GABRB1: variants seen among roughly 807,000 people sequenced by gnomAD.
GABRB1 encodes gamma-aminobutyric acid type A receptor subunit beta1.
In GABRB1, 17 loss-of-function variants were observed where a neutral mutation model predicts 51.6. The observed-to-expected ratio is 0.33, with a 90% CI of 0.23 to 0.49. GABRB1 has a LOEUF of 0.49. Among genes scored for constraint, GABRB1 ranks in the 20% least tolerant of loss-of-function variants. The probability of loss-of-function intolerance (pLI) is 0.99; values close to 1 mark genes in which losing one functional copy is unlikely to be tolerated. For missense variants in GABRB1, 410 were observed against 600.6 expected (o/e 0.68, Z 3.32); for synonymous variants, 247 against 218.9 (o/e 1.13, Z -1.14).
intron 5 of GABRB1, among the ~76,000 whole-genome samples, chr4:47,360,589 T>C (rs1315532361): frequency 6.6e-6 from 1 of 152,136 alleles, no homozygotes; most frequent in Non-Finnish European, 1.5e-5. Flanking sequence ...TGGATTTGAT[T>C]ATACAGTTCT....
intron 4 of GABRB1, among the ~76,000 whole-genome samples, chr4:47,269,752 A>T (rs997181296): frequency 6.6e-6 from 1 of 152,042 alleles, no homozygotes; most frequent in Non-Finnish European, 1.5e-5. Context: ...ACATGTATTA[A>T]CTCTTTAATT....
chr4:47,221,897 A>G (rs1038102820), intron 4 of GABRB1, among the ~76,000 whole-genome samples: 2 of 152,098 alleles, frequency 1.3e-5, no homozygotes, highest in African/African-American at 4.8e-5. Context: ...CAACAGCACT[A>G]TAACTCATGC....
At chr4:47,353,720 G>A (rs1226190362) in intron 5 of GABRB1, among the ~76,000 whole-genome samples, 2 of 152,072 alleles carry the variant, frequency 1.3e-5, no homozygotes, top group Non-Finnish European at 2.9e-5. Context: ...ATTTTCCAAA[G>A]CCTATTATAA....
chr4:47,001,306 C>G lies in GABRB1; in HGVS notation c.-20+7380C>G, dbSNP rs548460053. ...TACAGGCGCCCCCCACCACGCCCAG[C>G]TAATTTTTTGTATTTTTAGTAGAGA... is the stretch of plus-strand genomic sequence containing the variant. On this transcript the variant is annotated intron_variant, in intron 1 of 3. Transcript: ENST00000513567. Among the ~76,000 whole-genome samples the G allele has an allele frequency of 7.0e-4, 106 of 151,994 alleles. 1 individual carries two copies. Among genetic ancestry groups the G allele is most frequent in the Admixed American group, 2.0e-4 (3 of 15,284 alleles).
intron 8 of GABRB1, among the ~76,000 whole-genome samples, chr4:47,411,832 A>G (rs1333518699): frequency 2.0e-5 from 3 of 152,218 alleles, no homozygotes; most frequent in African/African-American, 7.2e-5. Context: ...GATATAGTGT[A>G]TAAAGAAATG....
chr4:47,198,167 G>C (rs16860047), intron 4 of GABRB1, among the ~76,000 whole-genome samples: 1,619 of 152,300 alleles, frequency 0.011, 24 homozygotes, highest in African/African-American at 0.037. Flanking sequence ...CTAAGGCATA[G>C]TGGCAGGATG....
intron 5 of GABRB1, among the ~76,000 whole-genome samples, chr4:47,377,669 T>C (rs887652440): frequency 3.3e-5 from 5 of 152,162 alleles, no homozygotes; most frequent in Admixed American, 3.3e-4. Flanking sequence ...TAGAGCCTAG[T>C]GGTCTGTTTT....
chr4:47,257,135 C>T (rs1722243698), intron 4 of GABRB1, among the ~76,000 whole-genome samples: 1 of 152,040 alleles, frequency 6.6e-6, no homozygotes, highest in Non-Finnish European at 1.5e-5. Context: ...AGAGTGAGGC[C>T]ATGTTTTATT....
At chr4:47,028,425 A>C (rs1357030203), upstream of GABRB1, among the ~76,000 whole-genome samples, 1 of 151,808 alleles carries the variant, frequency 6.6e-6, no homozygotes, top group Non-Finnish European at 1.5e-5. Flanking sequence ...CTTTGGTGAA[A>C]TGCTTGTTAC....
chr4:47,036,141 A>T (rs1216205592), intron 3 of GABRB1, among the ~76,000 whole-genome samples: 1 of 152,226 alleles, frequency 6.6e-6, no homozygotes, highest in East Asian at 1.9e-4. Context: ...TCTTACAGAC[A>T]TTACAGTGAA....
intron 4 of GABRB1, among the ~76,000 whole-genome samples, chr4:47,163,574 C>CCT (rs1718052096): frequency 6.6e-6 from 1 of 151,944 alleles, no homozygotes; most frequent in African/African-American, 2.4e-5. Flanking sequence ...TGTTGAAAAA[C>CCT]TACCTATTGA....
At chr4:47,397,792 C>T (rs930853260) in intron 5 of GABRB1, among the ~76,000 whole-genome samples, 6 of 151,840 alleles carry the variant, frequency 4.0e-5, no homozygotes, top group East Asian at 1.9e-4. Flanking sequence ...AGGCTGGTTT[C>T]GAACTCCTGA....
intron 3 of GABRB1, among the ~76,000 whole-genome samples, chr4:47,099,175 A>C (rs932127669): frequency 6.6e-6 from 1 of 152,126 alleles, no homozygotes; most frequent in Non-Finnish European, 1.5e-5. Flanking sequence ...CATTTACATA[A>C]GTTACAGAGC....
At chr4:47,404,678 A>T (rs1364434557) in intron 7 of GABRB1, among the ~76,000 whole-genome samples, 2 of 152,222 alleles carry the variant, frequency 1.3e-5, no homozygotes. Context: ...TCACAAAGTC[A>T]AGTGTTTGCA....
intron 5 of GABRB1, among the ~76,000 whole-genome samples, chr4:47,385,809 C>T (rs915824145): frequency 6.6e-6 from 1 of 152,154 alleles, no homozygotes. Context: ...AAATCAGGGG[C>T]TCCCACAAAC....
chr4:47,159,864 G>A (rs1560564403), intron 3 of GABRB1, among the ~76,000 whole-genome samples: 2 of 152,030 alleles, frequency 1.3e-5, no homozygotes, highest in Non-Finnish European at 2.9e-5. Context: ...CAGGAACACT[G>A]TGCAGGAGGT....
chr4:47,108,362 C>T (rs1715061728), intron 3 of GABRB1, among the ~76,000 whole-genome samples: 2 of 152,006 alleles, frequency 1.3e-5, no homozygotes, highest in African/African-American at 2.4e-5. Context: ...TTTGACAAAC[C>T]TTCCGGAGTA....
rs536420834 is a variant in GABRB1, at chr4:47,026,489, C to T, written c.-19-5425C>T. On this transcript the variant is annotated intron_variant, in intron 1 of 3. Coordinates refer to the GABRB1 transcript ENST00000513567. Reference sequence around the variant, plus strand: ...TATTTTACTATAAAATATGTAAAAACACATTAACACAGATATAAATGGCAA... The same window carrying T: ...TATTTTACTATAAAATATGTAAAAATACATTAACACAGATATAAATGGCAA... Among the ~76,000 whole-genome samples, 6 of 152,036 alleles carry T rather than the reference C, an allele frequency of 3.9e-5. 1 individual carries two copies. In the South Asian group the frequency reaches 1.2e-3, roughly 32 times the overall value.
At chr4:47,204,434 T>A (rs1720031547) in intron 4 of GABRB1, among the ~76,000 whole-genome samples, 1 of 152,150 alleles carries the variant, frequency 6.6e-6, no homozygotes, top group African/African-American at 2.4e-5. Flanking sequence ...AGTTTTACCC[T>A]GATTAGAAGG....
Sources: gnomAD v4.1 joint callset for allele counts (sites outside exome capture counted in the v4.1 genomes callset) on GRCh38, gnomAD v4.1.1 for gene constraint, MANE v1.5 for transcripts, NCBI Gene and HGNC (gene_info 2026-07-23, HGNC 2026-07-21) for gene names.